Variants in ATRNL1 observed in about 807,000 individuals in gnomAD.
ATRNL1 encodes attractin like 1, also known as attractin-like protein 1.
ATRNL1 carries 95 observed loss-of-function variants against 182.7 expected under a neutral mutation model. The observed-to-expected ratio is 0.52, with a 90% CI of 0.44 to 0.62. The LOEUF (loss-of-function observed/expected upper bound fraction) is 0.62. Ranked by LOEUF, ATRNL1 falls within the 20% of genes least tolerant of loss-of-function variation. The pLI is 0.00. For synonymous variants in ATRNL1, 576 were observed against 568.3 expected, an observed-to-expected ratio of 1.01 and a Z score of -0.19; for missense variants, 1,471 against 1,679.5, an observed-to-expected ratio of 0.88 and a Z score of 2.17.
At chr10:115,172,898 T>C (rs1417847922) in intron 8 of ATRNL1, among the ~76,000 whole-genome samples, 1 of 151,204 alleles carries the variant, frequency 6.6e-6, no homozygotes, top group Non-Finnish European at 1.5e-5. Context: ...TAATTACTCA[T>C]GTCAAGTTGG....
intron 7 of ATRNL1, among the ~76,000 whole-genome samples, chr10:115,167,275 T>C (rs1847089947): frequency 6.6e-6 from 1 of 152,030 alleles, no homozygotes; most frequent in Admixed American, 6.6e-5. Context: ...GTCTTTATGC[T>C]AGTACCGTAC....
intron 13 of ATRNL1, among the ~76,000 whole-genome samples, chr10:115,276,968 A>G (rs1418801517): frequency 6.6e-6 from 1 of 152,120 alleles, no homozygotes; most frequent in Non-Finnish European, 1.5e-5. Flanking sequence ...AAAGATTGAC[A>G]TAAAACTATT....
intron 25 of ATRNL1, among the ~76,000 whole-genome samples, chr10:115,538,367 A>G (rs1689869986): frequency 6.6e-6 from 1 of 152,212 alleles, no homozygotes; most frequent in African/African-American, 2.4e-5. Flanking sequence ...TGGTCCTGTC[A>G]ACATTTTTTA....
intron 5 of ATRNL1, among the ~76,000 whole-genome samples, chr10:115,136,383 A>G (rs1554876696): frequency 6.6e-6 from 1 of 152,160 alleles, no homozygotes; most frequent in Non-Finnish European, 1.5e-5. Context: ...AGCTTCTCTC[A>G]TTATCAGTAT....
At chr10:115,270,440 A>G (rs1325946506) in intron 13 of ATRNL1, among the ~76,000 whole-genome samples, 5 of 146,516 alleles carry the variant, frequency 3.4e-5, no homozygotes, top group African/African-American at 9.9e-5. Context: ...TATATAATCT[A>G]TAATATATGT....
chr10:115,408,569 T>C (rs1290389167), intron 20 of ATRNL1, among the ~76,000 whole-genome samples: 2 of 152,180 alleles, frequency 1.3e-5, no homozygotes, highest in Non-Finnish European at 2.9e-5. Flanking sequence ...GTTTTTTATC[T>C]TGATATAGTT....
chr10:115,549,170 TCTGTTGCTTC>T (rs1852828613), intron 25 of ATRNL1, among the ~76,000 whole-genome samples: 1 of 152,108 alleles, frequency 6.6e-6, no homozygotes, highest in Non-Finnish European at 1.5e-5. Context: ...GGTTGTGATT[TCTGTTGCTTC>T]ATAAGACCAA....
At chr10:115,890,728 G>T (rs530420521) in intron 28 of ATRNL1, among the ~76,000 whole-genome samples, 5 of 152,126 alleles carry the variant, frequency 3.3e-5, no homozygotes, top group Non-Finnish European at 7.3e-5. Flanking sequence ...ATATAGCCCC[G>T]TAATGATGCC....
At chr10:115,176,670 G>A (rs1204524921) in intron 8 of ATRNL1, among the ~76,000 whole-genome samples, 8 of 152,070 alleles carry the variant, frequency 5.3e-5, no homozygotes, top group African/African-American at 1.7e-4. Flanking sequence ...AGATTGTGAA[G>A]CAGGTTTGGG....
At chr10:115,264,683 A>G (rs1199370880) in intron 10 of ATRNL1, among the ~76,000 whole-genome samples, 1 of 151,472 alleles carries the variant, frequency 6.6e-6, no homozygotes, top group Non-Finnish European at 1.5e-5. Flanking sequence ...ATTCCCTTCT[A>G]TATAAAAAAG....
At chr10:115,922,867 G>C (rs1374677664) in intron 28 of ATRNL1, among the ~76,000 whole-genome samples, 1 of 152,112 alleles carries the variant, frequency 6.6e-6, no homozygotes, top group African/African-American at 2.4e-5. Flanking sequence ...TAGAAACAAA[G>C]ACCCAGTGGG....
At chr10:115,154,770 T>A (rs561581706) in intron 5 of ATRNL1, among the ~76,000 whole-genome samples, 1 of 152,262 alleles carries the variant, frequency 6.6e-6, no homozygotes, top group South Asian at 2.1e-4. Context: ...TGTCTAATGC[T>A]GAGAGTAGGG....
At chr10:115,306,525 T>C (rs2133990559) in intron 17 of ATRNL1, among the ~76,000 whole-genome samples, 1 of 152,240 alleles carries the variant, frequency 6.6e-6, no homozygotes, top group African/African-American at 2.4e-5. Context: ...ATTAATTTTT[T>C]TTTACAGTTT....
intron 26 of ATRNL1, among the ~76,000 whole-genome samples, chr10:115,613,834 C>T (rs1555019852): frequency 6.6e-6 from 1 of 151,656 alleles, no homozygotes; most frequent in Non-Finnish European, 1.5e-5. Context: ...TCTAAATGGT[C>T]TTTTTGCATT....
intron 21 of ATRNL1, among the ~76,000 whole-genome samples, chr10:115,434,964 T>C (rs2134425544): frequency 6.6e-6 from 1 of 152,238 alleles, no homozygotes; most frequent in South Asian, 2.1e-4. Context: ...ATGGTTTGAA[T>C]GTTTGTTGCC....
chr10:115,119,320 A>T (rs918608661), intron 1 of ATRNL1, among the ~76,000 whole-genome samples: 3 of 152,004 alleles, frequency 2.0e-5, no homozygotes, highest in Admixed American at 1.3e-4. Flanking sequence ...ATCTAAAAGT[A>T]GATAATGGCC....
At chr10:115,174,736 A>G (rs1847429900) in intron 8 of ATRNL1, among the ~76,000 whole-genome samples, 2 of 151,962 alleles carry the variant, frequency 1.3e-5, no homozygotes, top group Non-Finnish European at 2.9e-5. Flanking sequence ...ATTTACAAAA[A>G]CAGGTGGTGG....
At chr10:115,399,141 C>G (rs1368379445) in intron 20 of ATRNL1, among the ~76,000 whole-genome samples, 1 of 152,084 alleles carries the variant, frequency 6.6e-6, no homozygotes, top group Non-Finnish European at 1.5e-5. Flanking sequence ...CAATGTTCAT[C>G]CAGGATATCC....
intron 26 of ATRNL1, among the ~76,000 whole-genome samples, chr10:115,694,686 A>G (rs575583446): frequency 1.3e-5 from 2 of 152,254 alleles, no homozygotes; most frequent in South Asian, 2.1e-4. Flanking sequence ...TGTTCAATAC[A>G]ACTAACAAAA....
Sources: allele counts gnomAD v4.1 joint callset (sites outside exome capture counted in the v4.1 genomes callset), GRCh38; gene constraint gnomAD v4.1.1; transcripts MANE v1.5; gene names NCBI Gene and HGNC (gene_info 2026-07-23, HGNC 2026-07-21).